The following BRSK2 variants were observed in gnomAD, a reference collection of about 807,000 sequenced individuals.
BRSK2 encodes BR serine/threonine kinase 2.
Under a neutral mutation model 83.3 loss-of-function variants are expected in BRSK2, and 19 were observed. The ratio of observed to expected loss-of-function variants is 0.23; its 90% CI spans 0.16 to 0.33. The LOEUF (loss-of-function observed/expected upper bound fraction) is 0.33, where lower values mean the gene tolerates loss of function less well. Ranked by LOEUF, BRSK2 falls within the 10% of genes least tolerant of loss-of-function variation. The pLI, the probability that BRSK2 is intolerant of heterozygous loss-of-function variation, is 1.00. For synonymous variants in BRSK2, 519 were observed against 435.4 expected (o/e 1.19, Z -2.39); for missense variants, 798 against 1,042.3 (o/e 0.77, Z 3.23).
intron 1 of BRSK2, among the ~76,000 whole-genome samples, chr11:1,408,923 G>A (rs1847123884): frequency 6.7e-6 from 1 of 149,252 alleles, no homozygotes; most frequent in Non-Finnish European, 1.5e-5. Flanking sequence ...CCTGTGCAAG[G>A]GTGTGTGTGT....
chr11:1,429,171 T>G (rs1213241573), intron 1 of BRSK2, among the ~76,000 whole-genome samples: 1 of 146,400 alleles, frequency 6.8e-6, no homozygotes, highest in Non-Finnish European at 1.5e-5. Flanking sequence ...CACGGGTGTG[T>G]GTCCTGGGTG....
Position 1,460,574 on chromosome 11 carries a change from GC to G in BRSK2, c.2067del (p.Ser690AlafsTer167). On this transcript the variant is annotated frameshift_variant, in exon 20 of 20. Transcript: ENST00000528841. LOFTEE classifies it high-confidence loss of function. The part of the protein sequence containing the change: ...SDEKNGQAAQ[A>X]PSTPAKRSAH... Reference sequence around the variant, plus strand: ...CGAGAAGAACGGGCAGGCGGCCCAGGCCCCCAGCACGCCCGCCAAGCGGAGT... The same window carrying G: ...CGAGAAGAACGGGCAGGCGGCCCAGGCCCCAGCACGCCCGCCAAGCGGAGT... 1 of 1,531,702 alleles carries G rather than the reference GC, an allele frequency of 6.5e-7. No homozygotes were observed. The highest frequency in any genetic ancestry group is 8.7e-7 in the Non-Finnish European group (1 of 1,145,022). 94.9% of individuals were successfully genotyped at this position (1,531,702 alleles called of 1,614,324 possible). A position where few individuals can be genotyped will look rare whatever the true frequency, so the allele number is the denominator to read the frequency against.
chr11:1,450,658 G>A lies in BRSK2; in HGVS notation c.1359G>A (p.Lys453=), dbSNP rs747751567. Residue 453 remains lysine, a synonymous_variant, in exon 14 of 20, where the codon AAG becomes AAA. Coordinates refer to ENST00000528841, the MANE Select transcript of BRSK2 (RefSeq NM_001256627.2). Reference sequence around the variant, plus strand: ...AGGGGACACCTGTCCACACGCCAAAGGAGAGCCCGGCTGGCACGCCCAACC... The same window carrying A: ...AGGGGACACCTGTCCACACGCCAAAAGAGAGCCCGGCTGGCACGCCCAACC... ...TPKGTPVHTP[K]ESPAGTPNPT... 6.8e-6 allele frequency: 11 copies of A among 1,609,444 alleles called. No homozygotes were observed. The highest frequency in any genetic ancestry group is 9.3e-6 in the Non-Finnish European group (11 of 1,178,724).
At chr11:1,410,841 T>C in intron 1 of BRSK2, 2 of 984,814 alleles carry the variant, frequency 2.0e-6, no homozygotes, top group Non-Finnish European at 2.4e-6. Context: ...GAGACCACTG[T>C]GGCCTGAGGA....
At chr11:1,394,142 G>GC (rs1845909374) in intron 1 of BRSK2, among the ~76,000 whole-genome samples, 2 of 127,758 alleles carry the variant, frequency 1.6e-5, no homozygotes, top group Non-Finnish European at 1.7e-5. Context: ...CTGGAGATGG[G>GC]CCATGGAGAT....
chr11:1,406,279 C>T (rs984074364), intron 1 of BRSK2, among the ~76,000 whole-genome samples: 8 of 152,158 alleles, frequency 5.3e-5, no homozygotes, highest in African/African-American at 9.7e-5. Flanking sequence ...CTGGCTAACA[C>T]GGTGAAACCC....
intron 12 of BRSK2, among the ~76,000 whole-genome samples, chr11:1,449,535 G>A (rs1049596575): frequency 1.3e-5 from 2 of 152,174 alleles, no homozygotes; most frequent in Non-Finnish European, 2.9e-5. Flanking sequence ...GCTGTGCCTG[G>A]GCTGCTGGCA....
intron 1 of BRSK2, among the ~76,000 whole-genome samples, chr11:1,434,336 C>A (rs1410479899): frequency 6.7e-6 from 1 of 150,252 alleles, no homozygotes; most frequent in South Asian, 2.1e-4. Flanking sequence ...CCTGTGATAA[C>A]CTGGGCCGGC....
intron 8 of BRSK2, among the ~76,000 whole-genome samples, chr11:1,444,646 C>T (rs1851770234): frequency 6.6e-6 from 1 of 151,984 alleles, no homozygotes; most frequent in African/African-American, 2.4e-5. Context: ...GCTCCAGCTT[C>T]CCTCCCTCCC....
At chr11:1,433,866 G>C (rs1356657723) in intron 1 of BRSK2, among the ~76,000 whole-genome samples, 1 of 152,198 alleles carries the variant, frequency 6.6e-6, no homozygotes, top group Non-Finnish European at 1.5e-5. Context: ...CTGTGTCACT[G>C]CCCGGCCTGC....
At chr11:1,412,689 G>A (rs970155924) in intron 1 of BRSK2, among the ~76,000 whole-genome samples, 5 of 152,210 alleles carry the variant, frequency 3.3e-5, no homozygotes, top group African/African-American at 1.2e-4. Context: ...CCTTTACTGA[G>A]CCAGGGACAG....
chr11:1,457,088 C>A, intron 18 of BRSK2: 2 of 1,505,680 alleles, frequency 1.3e-6, no homozygotes, highest in Non-Finnish European at 1.8e-6. Flanking sequence ...GGAGGGGCTG[C>A]GGGCAGGTCC....
chr11:1,456,468 G>A lies in BRSK2; in HGVS notation c.1789G>A (p.Glu597Lys), dbSNP rs1361646489. The change falls in exon 17 of 20, where the codon GAG becomes AAG. Residue 597 changes from glutamate to lysine, a missense_variant. Transcript: ENST00000528841. Reference protein sequence around the residue: ...VKFQVDITYTEGGEAQKENGI... With the variant: ...VKFQVDITYTKGGEAQKENGI... ...GTTCCAGGTTGATATCACCTACACG[G>A]AGGGTGGGGAGGCGCAGAAGGAGAA... 1 of 1,578,008 alleles carries A rather than the reference G, an allele frequency of 6.3e-7. No homozygotes were observed. The highest frequency in any genetic ancestry group is 1.8e-5 in the Admixed American group (1 of 55,648).
intron 1 of BRSK2, among the ~76,000 whole-genome samples, chr11:1,402,332 C>T (rs555078283): frequency 3.9e-5 from 6 of 152,224 alleles, no homozygotes; most frequent in Non-Finnish European, 8.8e-5. Context: ...TTTCAGGGCT[C>T]ATGTGGCCTA....
chr11:1,429,262 T>TGTGTGTGCACTCGTGTGG (rs1389017226), intron 1 of BRSK2, among the ~76,000 whole-genome samples: 1 of 104,522 alleles, frequency 9.6e-6, no homozygotes, highest in East Asian at 4.5e-4. Flanking sequence ...TGTGCACAGG[T>TGTGTGTGCACTCGTGTGG]GTGTGTGCAC....
chr11:1,460,213 G>A (rs966204573), intron 19 of BRSK2, among the ~76,000 whole-genome samples: 5 of 152,102 alleles, frequency 3.3e-5, no homozygotes, highest in Admixed American at 6.5e-5. Context: ...GCTCGGAGGC[G>A]CTGGGGTCCT....
Position 1,454,993 on chromosome 11 carries a change from C to T in BRSK2, c.1668+385C>T, listed in dbSNP as rs1846305364. 6.6e-6 allele frequency among the ~76,000 whole-genome samples: 1 copy of T among 152,124 alleles called. No homozygotes were observed. The highest frequency in any genetic ancestry group is 6.5e-5 in the Admixed American group (1 of 15,280). On this transcript the variant is annotated intron_variant, in intron 16 of 19. Coordinates refer to ENST00000528841, the MANE Select transcript of BRSK2 (RefSeq NM_001256627.2). This position sits in a 1 kb window ranked among gnomAD's most constrained non-coding sequence, Gnocchi z 5.2. ...GAGAAGCCCTTGTGAGGCCATGGCCCTAGGGACCGGTGGGGCTCTGCTGGC... is the reference window on the plus strand; with the variant it reads ...GAGAAGCCCTTGTGAGGCCATGGCCTTAGGGACCGGTGGGGCTCTGCTGGC...
In BRSK2 at chr11:1,445,882, A is replaced by G; in HGVS notation, c.1201A>G (p.Ile401Val). ...GGSPVPARRA[I>V]EMAQHGQRSR... ...CTCCCCGGTGCCTGCGCGGCGGGCC[A>G]TTGAGATGGCCCAGCACGGCCAGAG... The change falls in exon 12 of 20, where the codon ATT becomes GTT. Residue 401 changes from isoleucine to valine, a missense_variant. Physicochemically the swap from Ile to Val is conservative, Grantham distance 29 (BLOSUM62 3). Transcript: ENST00000528841. 1 of 1,611,156 alleles carries G rather than the reference A, an allele frequency of 6.2e-7. No individual in the cohort carries two copies. The highest frequency in any genetic ancestry group is 8.5e-7 in the Non-Finnish European group (1 of 1,179,086).
chr11:1,457,216 TG>T (rs911579684), intron 18 of BRSK2, among the ~76,000 whole-genome samples: 31 of 152,268 alleles, frequency 2.0e-4, no homozygotes, highest in African/African-American at 7.5e-4. Context: ...GCACAGGACC[TG>T]GGAGAGCAGT....
Sources: gnomAD v4.1 joint callset for allele counts (sites outside exome capture counted in the v4.1 genomes callset) on GRCh38, gnomAD v4.1.1 for gene constraint, Gnocchi (gnomAD v3.1) non-coding constraint, MANE v1.5 for transcripts, NCBI Gene and HGNC (gene_info 2026-07-23, HGNC 2026-07-21) for gene names.